RUNX1: variants seen among roughly 807,000 people sequenced by gnomAD.
RUNX1 encodes the protein RUNX family transcription factor 1.
In RUNX1, 19 loss-of-function variants were observed where a neutral mutation model predicts 42.8. The observed-to-expected ratio is 0.44, with a 90% CI of 0.31 to 0.65. The LOEUF (loss-of-function observed/expected upper bound fraction) is 0.65. RUNX1 is among the 30% of genes least tolerant of loss of function. The probability of loss-of-function intolerance (pLI) is 0.07; values close to 1 mark genes in which losing one functional copy is unlikely to be tolerated. For missense variants in RUNX1, 528 were observed against 672.0 expected (o/e 0.79, Z 2.37); for synonymous variants, 271 against 289.4 (o/e 0.94, Z 0.64).
chr21:34,895,972 T>C (rs1404984726), intron 2 of RUNX1, among the ~76,000 whole-genome samples: 1 of 151,504 alleles, frequency 6.6e-6, no homozygotes, highest in Non-Finnish European at 1.5e-5. Flanking sequence ...GGATCTGGAT[T>C]AAGCAATGGA....
intron 2 of RUNX1, among the ~76,000 whole-genome samples, chr21:34,972,032 T>C (rs569044647): frequency 2.0e-5 from 3 of 152,194 alleles, no homozygotes; most frequent in African/African-American, 7.2e-5. Context: ...CCTGAACACA[T>C]TAACAGGCCA....
intron 2 of RUNX1, among the ~76,000 whole-genome samples, chr21:34,990,937 C>T (rs1392415262): frequency 6.6e-6 from 1 of 152,202 alleles, no homozygotes; most frequent in African/African-American, 2.4e-5. Flanking sequence ...CAGACAAATG[C>T]TCAGTAACTT....
Position 34,799,378 on chromosome 21 carries a change from T to G in RUNX1, c.890A>C (p.His297Pro). The G allele has an allele frequency of 6.2e-7, 1 of 1,614,082 alleles. No homozygotes were observed. The highest frequency in any genetic ancestry group is 2.2e-5 in the East Asian group (1 of 44,876). ...TCCAGGTGAAATGGGCGTTGCTGGG[T>G]GCACAGAAGGAGAGGCAATGGATCC... The part of the protein sequence containing the change: ...YLGSIASPSV[H>P]PATPISPGRA... Residue 297 changes from histidine (H) to proline (P), a missense_variant, in exon 8 of 9, where the codon CAC becomes CCC. Around this residue, in one of 3 missense-constraint regions of RUNX1, gnomAD observed 331 missense variants for 382.5 expected, o/e 0.87. Coordinates refer to ENST00000675419, the MANE Select transcript of RUNX1 (RefSeq NM_001754.5).
At chr21:34,994,327 G>A (rs182460537) in intron 2 of RUNX1, among the ~76,000 whole-genome samples, 83 of 152,234 alleles carry the variant, frequency 5.5e-4, no homozygotes, top group African/African-American at 2.0e-3. Flanking sequence ...GCAATAATGT[G>A]TAAGACCTGG....
intron 5 of RUNX1, among the ~76,000 whole-genome samples, chr21:34,864,595 G>A (rs527750775): frequency 2.0e-5 from 3 of 152,216 alleles, no homozygotes; most frequent in Non-Finnish European, 4.4e-5. Flanking sequence ...GCTGGAAGTC[G>A]GCAGCTCTTG....
rs150737369 is a variant in RUNX1 at position 34,935,524 on chromosome 21, T to C, written c.59-42561A>G. Among the ~76,000 whole-genome samples, 8 of 152,270 alleles carry C rather than the reference T, an allele frequency of 5.3e-5. No individual in the cohort carries two copies. The East Asian group carries it at 9.6e-4, about 18-fold the overall frequency. ...GAATTTTAGTATTGTGGTAAGAATA[T>C]GATTGCTGTGAATGACAATAATAGT... On this transcript the variant is annotated intron_variant, in intron 2 of 8. Coordinates refer to ENST00000675419, the MANE Select transcript of RUNX1 (RefSeq NM_001754.5).
intron 3 of RUNX1, chr21:34,887,309 G>C (rs1238554123): frequency 6.9e-7 from 1 of 1,454,104 alleles, no homozygotes; most frequent in Non-Finnish European, 9.1e-7. Context: ...AGGGGAAAAC[G>C]TTCTGGTTCT....
chr21:34,877,050 G>A (rs1176989622), intron 5 of RUNX1, among the ~76,000 whole-genome samples: 5 of 151,978 alleles, frequency 3.3e-5, no homozygotes, highest in Admixed American at 3.3e-4. Flanking sequence ...TAGAGATGGC[G>A]GTGTCACCAT....
intron 2 of RUNX1, among the ~76,000 whole-genome samples, chr21:35,018,812 G>T (rs989256603): frequency 1.3e-5 from 2 of 152,126 alleles, no homozygotes; most frequent in African/African-American, 4.8e-5. Flanking sequence ...CCTCAGTGGG[G>T]TGCCTTTGTA....
chr21:34,998,365 A>G (rs2059012512), intron 2 of RUNX1, among the ~76,000 whole-genome samples: 1 of 151,958 alleles, frequency 6.6e-6, no homozygotes, highest in African/African-American at 2.4e-5. Context: ...TGTGACTTTC[A>G]GAGATAACAG....
rs2145867430 is a variant in RUNX1, at chr21:34,791,303, T to TA, written c.*831dup. The TA allele has an allele frequency of 4.3e-6, 1 of 232,222 alleles. No individual in the cohort carries two copies. The highest frequency in any genetic ancestry group is 8.5e-6 in the Non-Finnish European group (1 of 117,194). The allele number at this position is 232,222 out of a possible 1,614,324, so 14.4% of individuals were successfully genotyped here. On this transcript the variant is annotated 3_prime_UTR_variant, in exon 9 of 9. Coordinates refer to ENST00000675419, the MANE Select transcript of RUNX1 (RefSeq NM_001754.5). ...AAAATGTAGTACTTGATATTTTTCT[T>TA]AATATAAGTACATTTAAATAATTAA... is the stretch of plus-strand genomic sequence containing the variant.
intron 7 of RUNX1, chr21:34,829,777 G>A (rs1026661266): frequency 1.3e-5 from 2 of 152,152 alleles, no homozygotes; most frequent in African/African-American, 4.8e-5. Flanking sequence ...ACTTCAAATT[G>A]CTAGAAGAGT....
chr21:34,980,973 A>G (rs1313621404), intron 2 of RUNX1, among the ~76,000 whole-genome samples: 4 of 152,270 alleles, frequency 2.6e-5, no homozygotes, highest in Non-Finnish European at 4.4e-5. Flanking sequence ...TCACCAACTT[A>G]GAGAAGACGT....
intron 2 of RUNX1, among the ~76,000 whole-genome samples, chr21:34,943,216 C>T (rs947656156): frequency 5.9e-5 from 9 of 152,210 alleles, no homozygotes; most frequent in Admixed American, 3.9e-4. Flanking sequence ...GGTTTTATGA[C>T]TGTGTTTTTC....
intron 2 of RUNX1, among the ~76,000 whole-genome samples, chr21:35,026,298 A>T (rs1334074044): frequency 1.3e-5 from 2 of 152,182 alleles, no homozygotes; most frequent in Non-Finnish European, 2.9e-5. Context: ...TTACCCACTG[A>T]CTTCTCATCT....
In RUNX1 at chr21:34,849,377, A is replaced by G. The variant is rs762209164; in HGVS notation, c.613+10097T>C. Among the ~76,000 whole-genome samples the G allele has an allele frequency of 1.3e-3, 61 of 47,748 alleles. 12 individuals are homozygous for G. Among genetic ancestry groups the G allele is most frequent in the African/African-American group, 3.1e-3 (38 of 12,408 alleles). 31.3% of individuals were successfully genotyped at this position (47,748 alleles called of 152,430 possible). A position where few individuals can be genotyped will look rare whatever the true frequency, so the allele number is the denominator to read the frequency against. On this transcript the variant is annotated intron_variant, in intron 6 of 8. Transcript: ENST00000675419. The stretch of plus-strand genomic sequence containing the variant: ...ATATATAATATATTATATATACTAT[A>G]TACATAGTATATATAATATATTATA...
At chr21:34,808,403 C>T (rs1401956896) in intron 7 of RUNX1, among the ~76,000 whole-genome samples, 5 of 152,104 alleles carry the variant, frequency 3.3e-5, no homozygotes, top group Admixed American at 6.5e-5. Flanking sequence ...GCCCTGTGTC[C>T]GCCTCTCCAC....
At chr21:35,015,997 T>C (rs1353915647) in intron 2 of RUNX1, among the ~76,000 whole-genome samples, 1 of 152,222 alleles carries the variant, frequency 6.6e-6, no homozygotes, top group Admixed American at 6.5e-5. Flanking sequence ...TTTCATTTCA[T>C]TATGATAGTA....
chr21:34,982,078 A>G (rs141967821), intron 2 of RUNX1, among the ~76,000 whole-genome samples: 2 of 152,298 alleles, frequency 1.3e-5, no homozygotes, highest in East Asian at 3.9e-4. Context: ...GTACAGACAG[A>G]AGGCACTTCA....
Sources: allele counts gnomAD v4.1 joint callset (sites outside exome capture counted in the v4.1 genomes callset), GRCh38; gene constraint gnomAD v4.1.1; regional missense constraint gnomAD v4.1.1; transcripts MANE v1.5; gene names NCBI Gene and HGNC (gene_info 2026-07-23, HGNC 2026-07-21).